The following PTPRD variants were observed in gnomAD, a reference collection of about 807,000 sequenced individuals.
The protein encoded by PTPRD is receptor-type tyrosine-protein phosphatase delta.
PTPRD carries 34 observed loss-of-function variants against 214.5 expected under a neutral mutation model. The observed-to-expected ratio is 0.16, with a 90% CI of 0.12 to 0.21. The LOEUF (loss-of-function observed/expected upper bound fraction) is 0.21. PTPRD is among the 10% of genes least tolerant of loss of function. The pLI is 1.00. For synonymous variants in PTPRD, 1,128 were observed against 845.7 expected, an observed-to-expected ratio of 1.33 and a Z score of -5.79; for missense variants, 2,545 against 2,398.7, an observed-to-expected ratio of 1.06 and a Z score of -1.27.
At chr9:9,248,310 T>G (rs1248102378) in intron 9 of PTPRD, among the ~76,000 whole-genome samples, 1 of 152,046 alleles carries the variant, frequency 6.6e-6, no homozygotes. Flanking sequence ...GCCAGGCTAA[T>G]CTTGAACTCC....
chr9:9,393,124 G>A (rs1421772514), intron 9 of PTPRD, among the ~76,000 whole-genome samples: 5 of 152,002 alleles, frequency 3.3e-5, no homozygotes. Context: ...ATGTGTCCAC[G>A]AACCTAATCT....
At chr9:8,493,944 G>C (rs2097201481) in intron 26 of PTPRD, among the ~76,000 whole-genome samples, 1 of 151,672 alleles carries the variant, frequency 6.6e-6, no homozygotes, top group African/African-American at 2.4e-5. Context: ...TACCAGAGCT[G>C]CATGTACACA....
chr9:8,839,333 TTTA>T (rs2097510206), intron 11 of PTPRD, among the ~76,000 whole-genome samples: 1 of 152,004 alleles, frequency 6.6e-6, no homozygotes, highest in Non-Finnish European at 1.5e-5. Flanking sequence ...TATTTATTTA[TTTA>T]TTTATTTGAG....
intron 2 of PTPRD, among the ~76,000 whole-genome samples, chr9:10,351,374 CT>C (rs1247897761): frequency 1.3e-5 from 2 of 152,200 alleles, no homozygotes; most frequent in East Asian, 3.9e-4. Context: ...CAATCTGTTT[CT>C]TTTACTGCCC....
chr9:9,900,642 T>TTTTTTTTTTTG, intron 5 of PTPRD, among the ~76,000 whole-genome samples: 2 of 116,944 alleles, frequency 1.7e-5, no homozygotes, highest in Admixed American at 7.9e-5. Flanking sequence ...CATTTTCAGG[T>TTTTTTTTTTTG]TTTTTTTTTT....
chr9:9,038,182 A>G (rs2099627909), intron 10 of PTPRD, among the ~76,000 whole-genome samples: 1 of 152,124 alleles, frequency 6.6e-6, no homozygotes, highest in Non-Finnish European at 1.5e-5. Flanking sequence ...AAGCTGAATA[A>G]GAAATCAAAA....
At chr9:9,975,285 C>T (rs2095311732) in intron 4 of PTPRD, among the ~76,000 whole-genome samples, 1 of 152,218 alleles carries the variant, frequency 6.6e-6, no homozygotes, top group African/African-American at 2.4e-5. Flanking sequence ...CCTCTAGCTC[C>T]TCTCTTTGAA....
chr9:9,997,153 G>T lies in PTPRD; in HGVS notation c.-472+36565C>A, dbSNP rs189406649. ...AATAGAGAATCTCAATAAATAGTTAGAAATTATAAAAGTGAGTCAAGTAGC... is the reference window on the plus strand; with the variant it reads ...AATAGAGAATCTCAATAAATAGTTATAAATTATAAAAGTGAGTCAAGTAGC... On this transcript the variant is annotated intron_variant, in intron 4 of 45. Transcript: ENST00000381196. 5.9e-5 allele frequency among the ~76,000 whole-genome samples: 9 copies of T among 152,164 alleles called. No homozygotes were observed. The East Asian group carries it at 1.5e-3, about 26-fold the overall frequency.
Position 9,802,546 on chromosome 9 carries a change from G to C in PTPRD, c.-367-35695C>G, listed in dbSNP as rs1019730208. Among the ~76,000 whole-genome samples the C allele has an allele frequency of 2.0e-5, 3 of 151,894 alleles. No homozygotes were observed. The East Asian group carries it at 5.8e-4, about 29-fold the overall frequency. ...CACTTTATACATCTCTGGCTCTATA[G>C]ACTAGGGAACTCTTATAAATGTATG... On this transcript the variant is annotated intron_variant, in intron 5 of 45. Transcript: ENST00000381196.
At chr9:10,260,038 T>A (rs1358798792) in intron 3 of PTPRD, among the ~76,000 whole-genome samples, 2 of 152,224 alleles carry the variant, frequency 1.3e-5, no homozygotes, top group Non-Finnish European at 2.9e-5. Flanking sequence ...TTGTGGTGGT[T>A]GTATCTGCAG....
intron 9 of PTPRD, among the ~76,000 whole-genome samples, chr9:9,197,463 T>C (rs2099939253): frequency 7.3e-6 from 1 of 136,966 alleles, no homozygotes; most frequent in Non-Finnish European, 1.5e-5. Flanking sequence ...CAGACTGGAA[T>C]GCAATAGCGC....
At chr9:8,441,967 G>C (rs2095561832) in intron 34 of PTPRD, among the ~76,000 whole-genome samples, 1 of 152,122 alleles carries the variant, frequency 6.6e-6, no homozygotes, top group South Asian at 2.1e-4. Flanking sequence ...CTTTAAGACT[G>C]TTTGGGCTCT....
intron 7 of PTPRD, among the ~76,000 whole-genome samples, chr9:9,710,962 G>A (rs558234128): frequency 3.2e-4 from 49 of 151,856 alleles, no homozygotes; most frequent in African/African-American, 1.1e-3. Flanking sequence ...GAGAGCGAGC[G>A]AGCGAGAGAG....
At chr9:9,229,409 G>C (rs141081331) in intron 9 of PTPRD, among the ~76,000 whole-genome samples, 146 of 152,166 alleles carry the variant, frequency 9.6e-4, no homozygotes, top group African/African-American at 3.3e-3. Flanking sequence ...ATGCCTCATA[G>C]AAGAAAGTCT....
At chr9:10,394,067 T>TAG (rs1162433328) in intron 2 of PTPRD, among the ~76,000 whole-genome samples, 96 of 144,424 alleles carry the variant, frequency 6.6e-4, no homozygotes, top group Middle Eastern at 3.7e-3. Flanking sequence ...TATATATATA[T>TAG]ATATATATAG....
At chr9:9,902,052 G>A (rs1256838984) in intron 5 of PTPRD, among the ~76,000 whole-genome samples, 1 of 152,062 alleles carries the variant, frequency 6.6e-6, no homozygotes, top group East Asian at 1.9e-4. Flanking sequence ...TAGCTAATAG[G>A]TCTGGTAAAT....
intron 11 of PTPRD, among the ~76,000 whole-genome samples, chr9:8,743,809 T>C (rs6477337): frequency 7.7e-6 from 1 of 129,224 alleles, no homozygotes; most frequent in Non-Finnish European, 1.5e-5. Context: ...ATAATAATAA[T>C]AATAATAATA....
At chr9:10,471,207 G>C (rs1318090639) in intron 2 of PTPRD, among the ~76,000 whole-genome samples, 1 of 151,970 alleles carries the variant, frequency 6.6e-6, no homozygotes, top group Non-Finnish European at 1.5e-5. Flanking sequence ...ATGATGGGTT[G>C]ATGGGGGCAG....
intron 6 of PTPRD, among the ~76,000 whole-genome samples, chr9:9,744,659 A>G (rs2098440052): frequency 6.6e-6 from 1 of 152,102 alleles, no homozygotes; most frequent in Non-Finnish European, 1.5e-5. Flanking sequence ...ATATACATAA[A>G]TATATCTTCA....
Sources: gnomAD v4.1 joint callset for allele counts (sites outside exome capture counted in the v4.1 genomes callset) on GRCh38, gnomAD v4.1.1 for gene constraint, MANE v1.5 for transcripts, NCBI Gene and HGNC (gene_info 2026-07-23, HGNC 2026-07-21) for gene names.